The following TRPV2 variants were observed in gnomAD, a reference collection of about 807,000 sequenced individuals.
The protein encoded by TRPV2 is OTRPC2.
In TRPV2, 58 loss-of-function variants were observed where a neutral mutation model predicts 91.0. The ratio of observed to expected loss-of-function variants is 0.64; its 90% CI spans 0.52 to 0.79. TRPV2 has a LOEUF of 0.79. Among genes scored for constraint, TRPV2 ranks in the 30% least tolerant of loss-of-function variants. TRPV2 has a pLI of 0.00. For synonymous variants in TRPV2, 417 were observed against 414.8 expected (o/e 1.01, Z -0.06); for missense variants, 807 against 969.6 (o/e 0.83, Z 2.23).
intron 10 of TRPV2, among the ~76,000 whole-genome samples, chr17:16,430,640 C>T (rs1197073157): frequency 6.6e-6 from 1 of 152,108 alleles, no homozygotes; most frequent in African/African-American, 2.4e-5. Flanking sequence ...CATGTGTCAC[C>T]ACATCCGGCA....
rs781178108 is a variant in TRPV2, at chr17:16,433,593, A to C, written c.2009A>C (p.Glu670Ala). 2.5e-6 allele frequency: 4 copies of C among 1,614,090 alleles called. No individual in the cohort carries two copies. Among genetic ancestry groups the C allele is most frequent in the Non-Finnish European group, 3.4e-6 (4 of 1,180,008 alleles). Residue 670 changes from glutamate to alanine, a missense_variant, in exon 13 of 15, where the codon GAG becomes GCG. Physicochemically the swap from Glu to Ala is moderately radical, Grantham distance 107. Coordinates refer to ENST00000338560, the MANE Select transcript of TRPV2 (RefSeq NM_016113.5). ...CCCCAGAAAGCCATCTCTGTCCTGG[A>C]GATGGAGAATGGCTATTGGTGGTGC... is the stretch of plus-strand genomic sequence containing the variant. ...WKLQKAISVL[E>A]MENGYWWCRK...
At chr17:16,419,326 G>T (rs776535080) in intron 2 of TRPV2, 1 of 471,032 alleles carries the variant, frequency 2.1e-6, no homozygotes, top group East Asian at 7.0e-5. Flanking sequence ...CCCTTCCGGG[G>T]TCTGTGGGAG....
intron 10 of TRPV2, among the ~76,000 whole-genome samples, chr17:16,430,986 G>C (rs1187102537): frequency 6.6e-6 from 1 of 151,384 alleles, no homozygotes; most frequent in Non-Finnish European, 1.5e-5. Context: ...CCCAGAAGTG[G>C]AATTGCTGGG....
At chr17:16,422,232 A>G (rs898141983) in intron 3 of TRPV2, among the ~76,000 whole-genome samples, 3 of 151,704 alleles carry the variant, frequency 2.0e-5, no homozygotes, top group African/African-American at 7.3e-5. Flanking sequence ...CTGAGGCAGG[A>G]AAACGGCGTG....
intron 10 of TRPV2, 39 bp from the exon 11 acceptor site, chr17:16,431,745 C>T (rs1434513123): frequency 5.6e-6 from 9 of 1,609,142 alleles, no homozygotes; most frequent in Non-Finnish European, 6.0e-6. Flanking sequence ...GACTGGTGGC[C>T]CAGCTACCCA....
At chr17:16,427,982 C>T (rs755276436) in intron 8 of TRPV2, among the ~76,000 whole-genome samples, 98 of 152,252 alleles carry the variant, frequency 6.4e-4, no homozygotes, top group Admixed American at 3.1e-3. Flanking sequence ...TTGGGACCTC[C>T]GCAGAGTGGG....
At chr17:16,419,400 T>C in intron 2 of TRPV2, 1 of 470,878 alleles carries the variant, frequency 2.1e-6, no homozygotes, top group East Asian at 6.9e-5. Context: ...GGCCCAGCGT[T>C]GGGCCCAGGT....
chr17:16,418,659 G>A lies in TRPV2; in HGVS notation c.200+791G>A, dbSNP rs1337621759. ...GGGGAGGATGCATGAGGAGATTCTG[G>A]GAGCTGTGGAGCCTGCCCGACACAG... On this transcript the variant is annotated intron_variant, in intron 2 of 14. Transcript: ENST00000338560. Among the ~76,000 whole-genome samples, 6 of 152,074 alleles carry A rather than the reference G, an allele frequency of 3.9e-5. 1 individual carries two copies. Among genetic ancestry groups the A allele is most frequent in the African/African-American group, 1.4e-4 (6 of 41,396 alleles).
Position 16,427,556 on chromosome 17 carries a change from C to G in TRPV2, c.1350+9C>G, listed in dbSNP as rs369216246. On this transcript the variant is annotated intron_variant, in intron 8 of 14. Coordinates refer to ENST00000338560, the MANE Select transcript of TRPV2 (RefSeq NM_016113.5). ...ACCTCCTCGTGGGCCAGGTGAGTGC[C>G]CCTCCCCTTCTCCTACCAAGAAGCA... 5.7e-5 allele frequency: 92 copies of G among 1,606,422 alleles called. No individual in the cohort carries two copies. The highest frequency in any genetic ancestry group is 7.7e-5 in the Non-Finnish European group (91 of 1,175,578).
At chr17:16,418,691 C>T (rs984812734) in intron 2 of TRPV2, among the ~76,000 whole-genome samples, 23 of 152,156 alleles carry the variant, frequency 1.5e-4, no homozygotes, top group African/African-American at 5.3e-4. Context: ...ACAGGCAGGA[C>T]GGGCCCTTGA....
rs2093389348 is a variant in TRPV2 at position 16,427,527 on chromosome 17, A to G, written c.1330A>G (p.Ile444Val). The G allele has an allele frequency of 6.2e-7, 1 of 1,611,036 alleles. No individual in the cohort carries two copies. Among genetic ancestry groups the G allele is most frequent in the South Asian group, 1.1e-5 (1 of 90,782 alleles). Residue 444 changes from isoleucine (I) to valine (V), a missense_variant, in exon 8 of 15, where the codon ATC becomes GTC. Coordinates refer to ENST00000338560, the MANE Select transcript of TRPV2 (RefSeq NM_016113.5). ...TGHILILLGG[I>V]YLLVGQLWYF... ...CCACATCCTTATCCTGCTAGGGGGG[A>G]TCTACCTCCTCGTGGGCCAGGTGAG... is the stretch of plus-strand genomic sequence containing the variant.
At chr17:16,427,019 C>T (rs1258144962) in intron 7 of TRPV2, 142 bp downstream of exon 7, 1 of 929,520 alleles carries the variant, frequency 1.1e-6, no homozygotes, top group Non-Finnish European at 1.6e-6. Context: ...CACTGCAGTA[C>T]TAACGGTGAT....
intron 2 of TRPV2, chr17:16,419,474 A>T (rs2093346335): frequency 4.3e-6 from 2 of 467,618 alleles, no homozygotes; most frequent in Admixed American, 4.8e-5. Context: ...ATTCAGAGTC[A>T]GGGTCTAAAG....
At chr17:16,418,110 A>G (rs1290393680) in intron 2 of TRPV2, among the ~76,000 whole-genome samples, 2 of 152,158 alleles carry the variant, frequency 1.3e-5, no homozygotes, top group Non-Finnish European at 2.9e-5. Context: ...GTTCTTCATG[A>G]GATACATTCT....
Position 16,428,884 on chromosome 17 carries a change from C to G in TRPV2, c.1489C>G (p.Pro497Ala). Residue 497 changes from proline to alanine, a missense_variant, in exon 10 of 15, where the codon CCC becomes GCC. Transcript: ENST00000338560. ...TTTCCTGGCCATCGAGTGGTACCTG[C>G]CCCTGCTTGTGTCTGCGCTGGTGCT... ...LCFLAIEWYL[P>A]LLVSALVLGW... 1 of 1,614,122 alleles carries G rather than the reference C, an allele frequency of 6.2e-7. No homozygotes were observed. Among genetic ancestry groups the G allele is most frequent in the Non-Finnish European group, 8.5e-7 (1 of 1,180,032 alleles).
chr17:16,431,256 C>CATATAT (rs60066961), intron 10 of TRPV2, among the ~76,000 whole-genome samples: 811 of 67,718 alleles, frequency 0.012, 11 homozygotes, highest in East Asian at 0.026. Flanking sequence ...TGATCTGAGA[C>CATATAT]ATATATATAT....
chr17:16,423,019 C>G, intron 4 of TRPV2, 130 bp downstream of exon 4: 2 of 1,142,612 alleles, frequency 1.8e-6, no homozygotes, highest in Non-Finnish European at 2.4e-6. Context: ...CTGCTTCTAA[C>G]CACTAGGCTG....
chr17:16,422,651 C>G lies in TRPV2; in HGVS notation c.387C>G (p.Asp129Glu). Residue 129 changes from aspartate to glutamate, a missense_variant, in exon 4 of 15, where the codon GAC (aspartate) becomes GAG (glutamate). Asp to Glu is a conservative substitution (Grantham distance 45). Coordinates refer to ENST00000338560, the MANE Select transcript of TRPV2 (RefSeq NM_016113.5). Reference sequence around the variant, plus strand: ...TGAAGGCTGTGCTGAACCTTAAGGACGGAGTCAATGCCTGCATTCTGCCAC... The same window carrying G: ...TGAAGGCTGTGCTGAACCTTAAGGAGGGAGTCAATGCCTGCATTCTGCCAC... ...CLMKAVLNLK[D>E]GVNACILPLL... The G allele has an allele frequency of 6.2e-7, 1 of 1,614,130 alleles. No homozygotes were observed. The highest frequency in any genetic ancestry group is 8.5e-7 in the Non-Finnish European group (1 of 1,180,024).
At chr17:16,422,985 C>T (rs2093365777) in intron 4 of TRPV2, 96 bp downstream of exon 4, 4 of 1,410,122 alleles carry the variant, frequency 2.8e-6, no homozygotes, top group African/African-American at 1.4e-5. Context: ...GCAGTTAAAC[C>T]TAGGTTTTTC....
Sources: allele counts gnomAD v4.1 joint callset (sites outside exome capture counted in the v4.1 genomes callset), GRCh38; gene constraint gnomAD v4.1.1; transcripts MANE v1.5; gene names NCBI Gene and HGNC (gene_info 2026-07-23, HGNC 2026-07-21).